Variants in SHROOM4 observed in about 807,000 individuals in gnomAD.
SHROOM4 encodes protein Shroom4.
In SHROOM4, 17 loss-of-function variants were observed where a neutral mutation model predicts 80.3. That is an observed-to-expected ratio of 0.21 (90% CI 0.14 to 0.32). SHROOM4 has a LOEUF of 0.32. SHROOM4 is among the 10% of genes least tolerant of loss of function. The pLI is 1.00. For missense variants in SHROOM4, 993 were observed against 1,140.3 expected (o/e 0.87, Z 1.86); for synonymous variants, 400 against 437.5 (o/e 0.91, Z 1.07).
intron 1 of SHROOM4, among the ~76,000 whole-genome samples, chrX:50,791,874 A>C (rs1935860175): frequency 9.0e-6 from 1 of 111,016 alleles, no homozygotes; most frequent in African/African-American, 3.3e-5. Flanking sequence ...AAGGGCACAG[A>C]AGAGACAGCC....
intron 1 of SHROOM4, among the ~76,000 whole-genome samples, chrX:50,768,630 A>T: frequency 8.9e-6 from 1 of 112,332 alleles, no homozygotes; most frequent in Non-Finnish European, 1.9e-5. Flanking sequence ...TGTATTCAGG[A>T]ATCTGTAAAT....
At chrX:50,610,795 A>G (rs895531588) in intron 5 of SHROOM4, among the ~76,000 whole-genome samples, 3 of 112,491 alleles carry the variant, frequency 2.7e-5, no homozygotes, top group Non-Finnish European at 5.6e-5. Flanking sequence ...CTATAATGTT[A>G]ACAACTAGAA....
chrX:50,705,760 C>T (rs1228134995), intron 1 of SHROOM4, among the ~76,000 whole-genome samples: 1 of 110,265 alleles, frequency 9.1e-6, no homozygotes, highest in African/African-American at 3.3e-5. Flanking sequence ...GCCTTTTCTA[C>T]TTCATCTTCC....
At chrX:50,685,549 C>T (rs181335520) in intron 2 of SHROOM4, among the ~76,000 whole-genome samples, 7 of 112,112 alleles carry the variant, frequency 6.2e-5, no homozygotes, top group Non-Finnish European at 1.1e-4. Flanking sequence ...GGAGACATTT[C>T]CCCCAAGTAT....
chrX:50,723,824 TA>T (rs1478226200), intron 1 of SHROOM4, among the ~76,000 whole-genome samples: 5 of 111,452 alleles, frequency 4.5e-5, no homozygotes, highest in Non-Finnish European at 9.4e-5. Flanking sequence ...CTAAACCTCT[TA>T]AAACTCCCCA....
intron 5 of SHROOM4, among the ~76,000 whole-genome samples, chrX:50,627,223 A>C (rs1557253219): frequency 9.0e-6 from 1 of 111,633 alleles, no homozygotes; most frequent in African/African-American, 3.3e-5. Flanking sequence ...ATTTTGTGTC[A>C]TTTCACCCAT....
chrX:50,688,298 A>G (rs1933129911), intron 2 of SHROOM4, among the ~76,000 whole-genome samples: 1 of 111,329 alleles, frequency 9.0e-6, no homozygotes, highest in Non-Finnish European at 1.9e-5. Context: ...CCCCATATCT[A>G]TTGCAGCAGT....
chrX:50,650,948 A>G (rs1281440695), intron 2 of SHROOM4, among the ~76,000 whole-genome samples: 1 of 111,808 alleles, frequency 8.9e-6, no homozygotes, highest in Non-Finnish European at 1.9e-5. Context: ...TACCCTTAAT[A>G]TTAGCACTGG....
chrX:50,783,344 G>A (rs1935668284), intron 1 of SHROOM4, among the ~76,000 whole-genome samples: 1 of 111,859 alleles, frequency 8.9e-6, no homozygotes, highest in African/African-American at 3.2e-5. Flanking sequence ...AAATATGAAA[G>A]TACTTAGAGA....
intron 1 of SHROOM4, among the ~76,000 whole-genome samples, chrX:50,753,139 T>G (rs1044051713): frequency 8.9e-5 from 10 of 111,965 alleles, no homozygotes; most frequent in African/African-American, 2.6e-4. Context: ...GAGTGGCATG[T>G]GCTTCTTCTT....
chrX:50,778,188 TCTTGAGTACC>T (rs1390669708), intron 1 of SHROOM4, among the ~76,000 whole-genome samples: 1 of 112,418 alleles, frequency 8.9e-6, no homozygotes, highest in Admixed American at 9.4e-5. Context: ...TACTGCAGAC[TCTTGAGTACC>T]CTTCACATAT....
Position 50,701,023 on chromosome X carries a change from T to C in SHROOM4, c.118-5086A>G, listed in dbSNP as rs553771615. Reference sequence around the variant, plus strand: ...AGCTCTGTGAATCAGGCCCAAGGGCTCCCCTGACCTTGAGCCAACGGAACT... The same window carrying C: ...AGCTCTGTGAATCAGGCCCAAGGGCCCCCCTGACCTTGAGCCAACGGAACT... On this transcript the variant is annotated intron_variant, in intron 1 of 8. Coordinates refer to ENST00000376020, the MANE Select transcript of SHROOM4 (RefSeq NM_020717.5). 3.6e-5 allele frequency among the ~76,000 whole-genome samples: 4 copies of C among 111,364 alleles called. No individual in the cohort carries two copies. In the South Asian group the frequency reaches 1.5e-3, roughly 43 times the overall value.
chrX:50,698,895 G>T (rs1468418261), intron 1 of SHROOM4, among the ~76,000 whole-genome samples: 1 of 112,178 alleles, frequency 8.9e-6, no homozygotes, highest in Admixed American at 9.4e-5. Flanking sequence ...AAAAGGTTTT[G>T]TTTTCCCCTT....
chrX:50,667,234 AGTT>A (rs1270123816), intron 2 of SHROOM4, among the ~76,000 whole-genome samples: 11 of 111,771 alleles, frequency 9.8e-5, no homozygotes, highest in African/African-American at 3.2e-4. Flanking sequence ...TGAGGCTTGA[AGTT>A]GTTAAGTAAT....
chrX:50,630,372 A>T (rs1557253918), intron 4 of SHROOM4, among the ~76,000 whole-genome samples: 1 of 110,955 alleles, frequency 9.0e-6, no homozygotes, highest in Admixed American at 9.6e-5. Flanking sequence ...ACAATCTGGC[A>T]GTCACTGCTC....
At chrX:50,620,945 G>A (rs952955564) in intron 5 of SHROOM4, among the ~76,000 whole-genome samples, 21 of 111,065 alleles carry the variant, frequency 1.9e-4, no homozygotes, top group African/African-American at 4.3e-4. Flanking sequence ...CATTTTCCTC[G>A]TTCTGTTGCT....
intron 1 of SHROOM4, among the ~76,000 whole-genome samples, chrX:50,813,616 C>T (rs1936395218): frequency 8.9e-6 from 1 of 112,400 alleles, no homozygotes. Flanking sequence ...AGGGAAGTAG[C>T]CGCCCCGACG....
At chrX:50,724,047 C>T (rs1456770273) in intron 1 of SHROOM4, among the ~76,000 whole-genome samples, 1 of 110,210 alleles carries the variant, frequency 9.1e-6, no homozygotes, top group African/African-American at 3.3e-5. Flanking sequence ...TAGGACACCT[C>T]TACTCCCTCC....
rs1246784490 is a variant in SHROOM4 at position 50,813,772 on chromosome X, G to C, written c.117+130C>G. 4.4e-5 allele frequency: 22 copies of C among 503,416 alleles called. No individual in the cohort carries two copies. The Admixed American group carries it at 6.3e-4, about 14-fold the overall frequency. 41.5% of individuals were successfully genotyped at this position (503,416 alleles called of 1,213,427 possible). A position where few individuals can be genotyped will look rare whatever the true frequency, so the allele number is the denominator to read the frequency against. On this transcript the variant is annotated intron_variant, in intron 1 of 8. Transcript: ENST00000376020. ...ACTGGTGGCAAGACCCCTCCGTGCC[G>C]CTCAGAGGGTCTTTCGCTCCCAGCC...
Sources: gnomAD v4.1 joint callset for allele counts (sites outside exome capture counted in the v4.1 genomes callset) on GRCh38, gnomAD v4.1.1 for gene constraint, MANE v1.5 for transcripts, NCBI Gene and HGNC (gene_info 2026-07-23, HGNC 2026-07-21) for gene names.